The following DNM3 variants were observed in gnomAD, a reference collection of about 807,000 sequenced individuals.
DNM3 encodes dynamin 3.
A neutral mutation model predicts 101.6 loss-of-function variants in DNM3; 47 were observed. That is an observed-to-expected ratio of 0.46 (90% CI 0.37 to 0.59). The LOEUF is 0.59. Among genes scored for constraint, DNM3 ranks in the 20% least tolerant of loss-of-function variants. DNM3 has a pLI of 0.00. For missense variants in DNM3, 849 were observed against 1,085.7 expected (o/e 0.78, Z 3.06); for synonymous variants, 385 against 387.9 (o/e 0.99, Z 0.09).
At chr1:171,961,775 G>T (rs998098412) in intron 2 of DNM3, among the ~76,000 whole-genome samples, 1 of 152,048 alleles carries the variant, frequency 6.6e-6, no homozygotes, top group Non-Finnish European at 1.5e-5. Context: ...GCCATAAAAA[G>T]GAATGGAATT....
intron 14 of DNM3, among the ~76,000 whole-genome samples, chr1:172,169,995 CTT>C (rs1334617945): frequency 6.6e-6 from 1 of 151,702 alleles, no homozygotes; most frequent in Non-Finnish European, 1.5e-5. Flanking sequence ...TGTTTATAAA[CTT>C]AGTTGCATTT....
Position 172,409,215 on chromosome 1 carries a change from A to AG in DNM3, c.*1378dup. 1.0e-6 allele frequency: 1 copy of AG among 985,394 alleles called. No homozygotes were observed. Among genetic ancestry groups the AG allele is most frequent in the Non-Finnish European group, 1.2e-6 (1 of 829,894 alleles). 61.0% of individuals were successfully genotyped at this position (985,394 alleles called of 1,614,324 possible). A position where few individuals can be genotyped will look rare whatever the true frequency, so the allele number is the denominator to read the frequency against. ...ACAGCAGAGCAAGTATTCACTGAGT[A>AG]GGGGTGTCCCATGACACTATTTCAT... On this transcript the variant is annotated 3_prime_UTR_variant, in exon 21 of 21. Transcript: ENST00000627582.
At chr1:171,990,798 C>T (rs1284872033) in intron 4 of DNM3, among the ~76,000 whole-genome samples, 1 of 152,064 alleles carries the variant, frequency 6.6e-6, no homozygotes, top group African/African-American at 2.4e-5. Context: ...TCTTGGTTTC[C>T]TCCACCATCC....
At chr1:172,255,463 C>T (rs2148693476) in intron 15 of DNM3, among the ~76,000 whole-genome samples, 1 of 152,108 alleles carries the variant, frequency 6.6e-6, no homozygotes, top group African/African-American at 2.4e-5. Flanking sequence ...CATGGTCAAC[C>T]TGAAAAGTTC....
At chr1:172,392,545 T>G (rs1357918810) in intron 20 of DNM3, among the ~76,000 whole-genome samples, 3 of 152,206 alleles carry the variant, frequency 2.0e-5, no homozygotes, top group African/African-American at 7.2e-5. Flanking sequence ...GATGTAACTA[T>G]TTTCAGATAT....
At chr1:172,414,723 G>C (rs902301196), downstream of DNM3, among the ~76,000 whole-genome samples, 24 of 138,488 alleles carry the variant, frequency 1.7e-4, no homozygotes, top group African/African-American at 5.7e-4. Flanking sequence ...TTTGAGACCA[G>C]ATTGGCAACA....
At chr1:172,164,227 C>CTTT (rs1165249284) in intron 14 of DNM3, among the ~76,000 whole-genome samples, 1,478 of 101,974 alleles carry the variant, frequency 0.014, 35 homozygotes, top group African/African-American at 0.068. Context: ...ATTTTCTTTT[C>CTTT]TTTTCTTTTT....
At chr1:171,871,367 T>C (rs1351694199) in intron 1 of DNM3, among the ~76,000 whole-genome samples, 2 of 152,202 alleles carry the variant, frequency 1.3e-5, no homozygotes, top group Non-Finnish European at 1.5e-5. Context: ...ATTTACATGA[T>C]AGTTGCATTT....
intron 14 of DNM3, among the ~76,000 whole-genome samples, chr1:172,206,455 T>C (rs2060325364): frequency 6.6e-6 from 1 of 152,146 alleles, no homozygotes; most frequent in South Asian, 2.1e-4. Context: ...AAAAGTCACA[T>C]ATTAAAAGGT....
At chr1:171,897,378 T>G (rs1201305463) in intron 1 of DNM3, among the ~76,000 whole-genome samples, 1 of 152,254 alleles carries the variant, frequency 6.6e-6, no homozygotes, top group Non-Finnish European at 1.5e-5. Flanking sequence ...TTAGAATATT[T>G]TACATATTTT....
chr1:172,182,859 C>T (rs1170348848), intron 14 of DNM3, among the ~76,000 whole-genome samples: 1 of 152,082 alleles, frequency 6.6e-6, no homozygotes, highest in Non-Finnish European at 1.5e-5. Flanking sequence ...CAATTGGTGA[C>T]TTCAATATGA....
intron 1 of DNM3, among the ~76,000 whole-genome samples, chr1:171,877,298 T>G (rs1024218685): frequency 6.6e-6 from 1 of 152,236 alleles, no homozygotes; most frequent in Non-Finnish European, 1.5e-5. Context: ...TTATATCTAT[T>G]AAACATATTC....
chr1:171,990,288 T>C (rs956002578), intron 4 of DNM3, among the ~76,000 whole-genome samples: 2 of 152,268 alleles, frequency 1.3e-5, no homozygotes, highest in African/African-American at 2.4e-5. Flanking sequence ...TGTTCGTGCA[T>C]GAGAGTGGAG....
intron 2 of DNM3, among the ~76,000 whole-genome samples, chr1:171,957,492 C>T (rs1344658388): frequency 1.3e-5 from 2 of 152,146 alleles, no homozygotes; most frequent in African/African-American, 4.8e-5. Flanking sequence ...GCCACTATGC[C>T]CGGCCCAGTG....
At chr1:172,175,346 T>C (rs368162994) in intron 14 of DNM3, among the ~76,000 whole-genome samples, 4 of 151,928 alleles carry the variant, frequency 2.6e-5, no homozygotes. Flanking sequence ...AGTAAACTGA[T>C]ATAGCAGGGA....
intron 17 of DNM3, among the ~76,000 whole-genome samples, chr1:172,368,549 A>G (rs1387045668): frequency 2.0e-5 from 3 of 151,970 alleles, no homozygotes; most frequent in Non-Finnish European, 4.4e-5. Context: ...AAACAACTTA[A>G]TGATGCACTT....
intron 2 of DNM3, among the ~76,000 whole-genome samples, chr1:171,970,954 T>C (rs2043948095): frequency 6.6e-6 from 1 of 152,138 alleles, no homozygotes; most frequent in Admixed American, 6.5e-5. Flanking sequence ...ATTACCTTTA[T>C]GTTGAACATT....
chr1:172,319,392 T>C (rs952005493), intron 16 of DNM3, among the ~76,000 whole-genome samples: 1 of 151,934 alleles, frequency 6.6e-6, no homozygotes, highest in Non-Finnish European at 1.5e-5. Context: ...ACAAATGAGA[T>C]CTAATTAAAC....
intron 4 of DNM3, among the ~76,000 whole-genome samples, chr1:172,027,142 A>G (rs1371676046): frequency 6.6e-6 from 1 of 152,250 alleles, no homozygotes; most frequent in Non-Finnish European, 1.5e-5. Flanking sequence ...CTGCAAAAAC[A>G]TACCAAATTG....
Sources: gnomAD v4.1 joint callset for allele counts (sites outside exome capture counted in the v4.1 genomes callset) on GRCh38, gnomAD v4.1.1 for gene constraint, MANE v1.5 for transcripts, NCBI Gene and HGNC (gene_info 2026-07-23, HGNC 2026-07-21) for gene names.